Variants in PCNX2 observed in about 807,000 individuals in gnomAD.
The protein encoded by PCNX2 is pecanex 2.
A neutral mutation model predicts 223.8 loss-of-function variants in PCNX2; 168 were observed. That is an observed-to-expected ratio of 0.75 (90% CI 0.66 to 0.85). The LOEUF (loss-of-function observed/expected upper bound fraction) is 0.85, where lower values mean the gene tolerates loss of function less well. Ranked by LOEUF, PCNX2 falls within the 40% of genes least tolerant of loss-of-function variation. PCNX2 has a pLI of 0.00. For synonymous variants in PCNX2, 1,006 were observed against 1,052.6 expected, an observed-to-expected ratio of 0.96 and a Z score of 0.86; for missense variants, 2,507 against 2,675.5, an observed-to-expected ratio of 0.94 and a Z score of 1.39.
chr1:233,226,028 G>A (rs1314263721), intron 10 of PCNX2, among the ~76,000 whole-genome samples: 3 of 152,096 alleles, frequency 2.0e-5, no homozygotes, highest in East Asian at 3.8e-4. Flanking sequence ...GTCACTGGGG[G>A]ACCAATGACA....
chr1:233,132,255 A>G lies in PCNX2; in HGVS notation c.3837+2758T>C, dbSNP rs373200467. On this transcript the variant is annotated intron_variant, in intron 21 of 33. Transcript: ENST00000258229. The stretch of plus-strand genomic sequence containing the variant: ...TGGGATTACAGGCGTGAGACACCGC[A>G]CCTAGCCTAGATCACGTCCTTGTCA... 3.7e-4 allele frequency among the ~76,000 whole-genome samples: 57 copies of G among 152,088 alleles called. 1 individual carries two copies. Among genetic ancestry groups the G allele is most frequent in the African/African-American group, 1.3e-3 (52 of 41,460 alleles).
chr1:233,067,688 G>C (rs1672678344), intron 23 of PCNX2, among the ~76,000 whole-genome samples: 1 of 152,064 alleles, frequency 6.6e-6, no homozygotes, highest in South Asian at 2.1e-4. Context: ...GGCCACACTG[G>C]TCTTGAACTC....
rs189830358 is a variant in PCNX2 at position 233,106,456 on chromosome 1, G to A, written c.3838-10593C>T. On this transcript the variant is annotated intron_variant, in intron 21 of 33. Transcript: ENST00000258229. ...CAACCTCTGCCTCCCACGTTCAAGC[G>A]ATTCTCCTGCCTCAGCCTCTCGAGT... Among the ~76,000 whole-genome samples, 594 of 150,146 alleles carry A rather than the reference G, an allele frequency of 4.0e-3. 5 individuals carry two copies. Among genetic ancestry groups the A allele is most frequent in the African/African-American group, 0.014 (575 of 40,750 alleles).
At chr1:233,289,123 A>T in intron 1 of PCNX2, 1 of 895,984 alleles carries the variant, frequency 1.1e-6, no homozygotes, top group Non-Finnish European at 1.9e-6. Context: ...TATTTTGTAC[A>T]GCTTTTCCAA....
At chr1:233,108,502 T>C (rs904470988) in intron 21 of PCNX2, among the ~76,000 whole-genome samples, 1 of 152,224 alleles carries the variant, frequency 6.6e-6, no homozygotes, top group African/African-American at 2.4e-5. Context: ...CGGCTCCTTC[T>C]CTCAGAATTC....
chr1:233,086,549 T>C (rs937801383), intron 23 of PCNX2, among the ~76,000 whole-genome samples: 18 of 151,400 alleles, frequency 1.2e-4, no homozygotes. Context: ...CGGGCACCTA[T>C]AGTCCCAGCT....
chr1:233,222,554 C>T (rs940002227), intron 10 of PCNX2, among the ~76,000 whole-genome samples: 38 of 151,904 alleles, frequency 2.5e-4, no homozygotes, highest in African/African-American at 8.7e-4. Context: ...AAAAAAAATA[C>T]TATACAAAGA....
chr1:233,234,673 T>C (rs1308743359), intron 9 of PCNX2, among the ~76,000 whole-genome samples: 2 of 152,236 alleles, frequency 1.3e-5, no homozygotes, highest in South Asian at 2.1e-4. Flanking sequence ...TCTAGTTTCC[T>C]CTAGCTCTTC....
At chr1:233,110,769 C>T (rs963656672) in intron 21 of PCNX2, among the ~76,000 whole-genome samples, 1 of 151,066 alleles carries the variant, frequency 6.6e-6, no homozygotes, top group African/African-American at 2.4e-5. Flanking sequence ...TGTTAAAATT[C>T]CTCACACTAC....
intron 12 of PCNX2, among the ~76,000 whole-genome samples, chr1:233,209,003 A>G (rs1280151393): frequency 1.3e-5 from 2 of 152,150 alleles, no homozygotes; most frequent in Admixed American, 6.5e-5. Flanking sequence ...ATCTAATTCA[A>G]TGCTTTCCCC....
chr1:233,031,955 T>C (rs921467941), intron 25 of PCNX2: 2 of 985,178 alleles, frequency 2.0e-6, no homozygotes, highest in Non-Finnish European at 2.4e-6. Flanking sequence ...ACTGGGACCC[T>C]TGGATTGCAA....
At chr1:233,068,518 T>C (rs961675232) in intron 23 of PCNX2, among the ~76,000 whole-genome samples, 11 of 152,108 alleles carry the variant, frequency 7.2e-5, no homozygotes, top group Non-Finnish European at 2.9e-5. Flanking sequence ...AAAAATTATA[T>C]AGTTGTCAAT....
In PCNX2 at chr1:233,025,290, G is replaced by T; in HGVS notation, c.4461C>A (p.Asn1487Lys). 6.2e-7 allele frequency: 1 copy of T among 1,614,016 alleles called. No individual in the cohort carries two copies. Among genetic ancestry groups the T allele is most frequent in the African/African-American group, 1.3e-5 (1 of 75,046 alleles). Residue 1487 changes from asparagine to lysine, a missense_variant, in exon 26 of 34, where the codon AAC (asparagine) becomes AAA (lysine). Physicochemically the swap from Asn to Lys is moderately conservative, Grantham distance 94. This residue lies in a region of PCNX2 where 1,372 missense variants were observed against 1,509.4 expected (regional missense o/e 0.91). Coordinates refer to ENST00000258229, the MANE Select transcript of PCNX2 (RefSeq NM_014801.4). The part of the protein sequence containing the change: ...PGHLPHLLSC[N>K]AAFHLRWLTW... ...TGAGCCAGCGGAGGTGAAAGGCAGCGTTGCAGGACAGCAGGTGAGGCAAGT... is the reference window on the plus strand; with the variant it reads ...TGAGCCAGCGGAGGTGAAAGGCAGCTTTGCAGGACAGCAGGTGAGGCAAGT...
chr1:233,312,359 T>C, the PCNX2 span, among the ~76,000 whole-genome samples: 5 of 152,180 alleles, frequency 3.3e-5, no homozygotes, highest in African/African-American at 1.2e-4. Flanking sequence ...ATTGGATAAT[T>C]ATCTAGAAAA....
At chr1:233,061,474 G>A (rs779272095) in intron 23 of PCNX2, among the ~76,000 whole-genome samples, 3 of 152,174 alleles carry the variant, frequency 2.0e-5, no homozygotes, top group Non-Finnish European at 2.9e-5. Context: ...GCACTGCCTC[G>A]GATCAGCGCC....
chr1:233,296,463 T>C (rs1662132037), upstream of PCNX2, among the ~76,000 whole-genome samples: 1 of 152,202 alleles, frequency 6.6e-6, no homozygotes, highest in Non-Finnish European at 1.5e-5. Flanking sequence ...TCTAAATCTC[T>C]CTATGCTGTT....
chr1:233,287,303 T>G (rs754854725), intron 1 of PCNX2, among the ~76,000 whole-genome samples: 3 of 152,206 alleles, frequency 2.0e-5, no homozygotes, highest in Non-Finnish European at 4.4e-5. Context: ...TTTGTATGTC[T>G]TCATGCCAAT....
At chr1:233,248,729 G>A (rs867270628) in intron 8 of PCNX2, among the ~76,000 whole-genome samples, 9 of 152,200 alleles carry the variant, frequency 5.9e-5, no homozygotes, top group South Asian at 2.1e-4. Flanking sequence ...CTATTCTGTG[G>A]ACTTGAAAAG....
At chr1:233,218,482 C>A (rs1459846405) in intron 10 of PCNX2, among the ~76,000 whole-genome samples, 1 of 152,074 alleles carries the variant, frequency 6.6e-6, no homozygotes, top group East Asian at 1.9e-4. Context: ...GATCTCCTGA[C>A]CTCATGATCT....
Sources: gnomAD v4.1 joint callset for allele counts (sites outside exome capture counted in the v4.1 genomes callset) on GRCh38, gnomAD v4.1.1 for gene constraint, gnomAD v4.1.1 regional missense constraint, MANE v1.5 for transcripts, NCBI Gene and HGNC (gene_info 2026-07-23, HGNC 2026-07-21) for gene names.